Variants in GNAQ observed in about 807,000 individuals in gnomAD.
GNAQ encodes guanine nucleotide-binding protein G(q) subunit alpha.
A neutral mutation model predicts 43.9 loss-of-function variants in GNAQ; 8 were observed. The observed-to-expected ratio is 0.18, with a 90% confidence interval of 0.11 to 0.33. The LOEUF (loss-of-function observed/expected upper bound fraction) is 0.33, where lower values mean the gene tolerates loss of function less well. Ranked by LOEUF, GNAQ falls within the 10% of genes least tolerant of loss-of-function variation. GNAQ has a pLI of 1.00. For missense variants in GNAQ, 158 were observed against 450.8 expected (o/e 0.35, Z 5.88); for synonymous variants, 155 against 170.7 (o/e 0.91, Z 0.71).
intron 2 of GNAQ, among the ~76,000 whole-genome samples, chr9:77,893,207 C>G (rs147889651): frequency 7.2e-5 from 11 of 152,306 alleles, no homozygotes; most frequent in African/African-American, 2.2e-4. Context: ...GCACAAGATA[C>G]AGGTCATAAA....
intron 1 of GNAQ, among the ~76,000 whole-genome samples, chr9:77,974,038 A>C: frequency 6.6e-6 from 1 of 152,320 alleles, no homozygotes; most frequent in South Asian, 2.1e-4. Context: ...CATCTCCTTT[A>C]ATTTTTAATA....
chr9:77,988,224 G>A (rs756349338), intron 1 of GNAQ, among the ~76,000 whole-genome samples: 4 of 152,210 alleles, frequency 2.6e-5, no homozygotes, highest in Non-Finnish European at 4.4e-5. Flanking sequence ...TAACATTTTA[G>A]CTTCAGCTCA....
At chr9:77,827,733 A>G (rs1349445965) in intron 2 of GNAQ, among the ~76,000 whole-genome samples, 1 of 152,086 alleles carries the variant, frequency 6.6e-6, no homozygotes, top group Non-Finnish European at 1.5e-5. Context: ...ATACATTTTA[A>G]ATATTTAAAA....
intron 5 of GNAQ, among the ~76,000 whole-genome samples, chr9:77,775,039 G>A (rs1163983223): frequency 2.0e-5 from 3 of 151,992 alleles, no homozygotes; most frequent in African/African-American, 4.8e-5. Context: ...CATGCTGTAC[G>A]TGCTGTTTTG....
chr9:77,741,736 G>T (rs1372262367), intron 5 of GNAQ, among the ~76,000 whole-genome samples: 1 of 152,088 alleles, frequency 6.6e-6, no homozygotes, highest in Admixed American at 6.6e-5. Flanking sequence ...GAAGACACAG[G>T]TAAACTTTTC....
In GNAQ at chr9:77,882,243, G is replaced by A. The variant is rs569277959; in HGVS notation, c.321+39918C>T. On this transcript the variant is annotated intron_variant, in intron 2 of 6. Coordinates refer to ENST00000286548, the MANE Select transcript of GNAQ (RefSeq NM_002072.5). ...ACCAGAAGACCCTGCTGATATATGA[G>A]TTGATTTGAGGTTCTTTTCTCTTTC... Among the ~76,000 whole-genome samples the A allele has an allele frequency of 3.3e-5, 5 of 152,264 alleles. No individual in the cohort carries two copies. The East Asian group carries it at 7.7e-4, about 24-fold the overall frequency.
chr9:77,991,131 T>G (rs1823501887), intron 1 of GNAQ, among the ~76,000 whole-genome samples: 1 of 152,264 alleles, frequency 6.6e-6, no homozygotes, highest in Admixed American at 6.5e-5. Flanking sequence ...TATACCAGTT[T>G]GAGCATATTT....
At chr9:77,999,875 C>G (rs1028469003) in intron 1 of GNAQ, among the ~76,000 whole-genome samples, 2 of 152,050 alleles carry the variant, frequency 1.3e-5, no homozygotes, top group African/African-American at 4.8e-5. Context: ...AGTATTAGTT[C>G]CCTAGTAGGA....
rs1825303571 is a variant in GNAQ, at chr9:77,721,105, A to T, written c.*218T>A. On this transcript the variant is annotated 3_prime_UTR_variant, in exon 7 of 7. Transcript: ENST00000286548. ...TTGCCTAAAAAAAAGATAGAGAGGA[A>T]ATGTGCTGGGACTGTACTTCAGCAT... The T allele has an allele frequency of 2.4e-6, 1 of 413,418 alleles. No homozygotes were observed. The highest frequency in any genetic ancestry group is 4.3e-6 in the Non-Finnish European group (1 of 234,870). The allele number at this position is 413,418 out of a possible 1,614,324, so 25.6% of individuals were successfully genotyped here. A position where few individuals can be genotyped will look rare whatever the true frequency, so the allele number is the denominator to read the frequency against.
chr9:77,973,343 T>C (rs1190817280), intron 1 of GNAQ, among the ~76,000 whole-genome samples: 1 of 152,146 alleles, frequency 6.6e-6, no homozygotes, highest in African/African-American at 2.4e-5. Context: ...CAGGGGCATA[T>C]TTTTACACGC....
At chr9:77,894,993 T>C (rs186344469) in intron 2 of GNAQ, among the ~76,000 whole-genome samples, 1,620 of 150,446 alleles carry the variant, frequency 0.011, 21 homozygotes, top group African/African-American at 0.037. Context: ...ATTGAGACCA[T>C]CTTGGCTAAC....
intron 5 of GNAQ, among the ~76,000 whole-genome samples, chr9:77,760,014 G>A (rs1351755160): frequency 2.0e-5 from 3 of 147,136 alleles, no homozygotes; most frequent in Non-Finnish European, 4.5e-5. Flanking sequence ...TCCTACCTTG[G>A]CTTTCCAAAG....
Position 77,722,046 on chromosome 9 carries a change from C to G in GNAQ, c.890-533G>C, listed in dbSNP as rs115710620. ...CTACAATGGGCCTCTGTAACAGTCT[C>G]ACTTCCATAGATTTCTGGTATTTCT... On this transcript the variant is annotated intron_variant, in intron 6 of 6. Transcript: ENST00000286548. Among the ~76,000 whole-genome samples, 654 of 152,264 alleles carry G rather than the reference C, an allele frequency of 4.3e-3. 6 individuals are homozygous for G. Among genetic ancestry groups the G allele is most frequent in the African/African-American group, 0.014 (596 of 41,554 alleles).
At chr9:77,918,602 C>T (rs766543689) in intron 2 of GNAQ, among the ~76,000 whole-genome samples, 16 of 152,044 alleles carry the variant, frequency 1.1e-4, no homozygotes, top group Non-Finnish European at 1.9e-4. Flanking sequence ...ATGAAACATC[C>T]TAAACCATTT....
Position 77,717,408 on chromosome 9 carries a change from A to G in GNAQ, c.*3915T>C, listed in dbSNP as rs952355289. The stretch of plus-strand genomic sequence containing the variant: ...TCATTTCATTCGTTTTGAGAAACTG[A>G]AAACAAAGGGAAATCAAGGGTAATC... On this transcript the variant is annotated 3_prime_UTR_variant, in exon 7 of 7. Coordinates refer to ENST00000286548, the MANE Select transcript of GNAQ (RefSeq NM_002072.5). 4.3e-6 allele frequency: 1 copy of G among 232,460 alleles called. No individual in the cohort carries two copies. The highest frequency in any genetic ancestry group is 8.5e-6 in the Non-Finnish European group (1 of 117,600). The allele number at this position is 232,460 out of a possible 1,614,324, so 14.4% of individuals were successfully genotyped here. A position where few individuals can be genotyped will look rare whatever the true frequency, so the allele number is the denominator to read the frequency against.
chr9:77,951,329 C>T (rs1822975829), intron 1 of GNAQ, among the ~76,000 whole-genome samples: 1 of 151,972 alleles, frequency 6.6e-6, no homozygotes, highest in Non-Finnish European at 1.5e-5. Flanking sequence ...AACTCCTGGC[C>T]TCAAGTGATC....
chr9:77,829,136 A>C (rs1827256149), intron 2 of GNAQ, among the ~76,000 whole-genome samples: 1 of 152,154 alleles, frequency 6.6e-6, no homozygotes, highest in Admixed American at 6.5e-5. Flanking sequence ...AGACATTTTA[A>C]CACAGGTATG....
intron 2 of GNAQ, among the ~76,000 whole-genome samples, chr9:77,910,535 G>C (rs953069631): frequency 6.6e-6 from 1 of 152,130 alleles, no homozygotes; most frequent in Non-Finnish European, 1.5e-5. Flanking sequence ...GTCATTCTGC[G>C]CAGGTTTGTC....
chr9:77,835,282 A>G (rs1827365399), intron 2 of GNAQ, among the ~76,000 whole-genome samples: 1 of 151,722 alleles, frequency 6.6e-6, no homozygotes, highest in African/African-American at 2.4e-5. Flanking sequence ...GCCCTACTAG[A>G]TAAGGGATCT....
Sources: allele counts gnomAD v4.1 joint callset (sites outside exome capture counted in the v4.1 genomes callset), GRCh38; gene constraint gnomAD v4.1.1; transcripts MANE v1.5; gene names NCBI Gene and HGNC (gene_info 2026-07-23, HGNC 2026-07-21).